Variants in IFT81 observed in about 807,000 individuals in gnomAD.
The protein encoded by IFT81 is intraflagellar transport 81.
A neutral mutation model predicts 102.6 loss-of-function variants in IFT81; 72 were observed. That is an observed-to-expected ratio of 0.70 (90% CI 0.58 to 0.85). The LOEUF (loss-of-function observed/expected upper bound fraction) is 0.85. Ranked by LOEUF, IFT81 falls within the 40% of genes least tolerant of loss-of-function variation. The probability of loss-of-function intolerance (pLI) is 0.00; values close to 1 mark genes in which losing one functional copy is unlikely to be tolerated. For missense variants in IFT81, 723 were observed against 787.3 expected, an observed-to-expected ratio of 0.92 and a Z score of 0.98; for synonymous variants, 237 against 242.7, an observed-to-expected ratio of 0.98 and a Z score of 0.22.
intron 10 of IFT81, among the ~76,000 whole-genome samples, 196 bp from the exon 11 acceptor site, chr12:110,162,723 G>A (rs1441604638): frequency 3.3e-5 from 5 of 151,978 alleles, no homozygotes; most frequent in Non-Finnish European, 7.4e-5. Flanking sequence ...TTGTAGGTTG[G>A]TATTTAATAT....
At chr12:110,169,338 G>A (rs564328435) in intron 11 of IFT81, among the ~76,000 whole-genome samples, 2 of 152,058 alleles carry the variant, frequency 1.3e-5, no homozygotes, top group East Asian at 1.9e-4. Flanking sequence ...TTCCCTCTGC[G>A]ATTTTGCTTG....
At chr12:110,154,492 A>G (rs1035096204) in intron 10 of IFT81, among the ~76,000 whole-genome samples, 9 of 151,682 alleles carry the variant, frequency 5.9e-5, no homozygotes, top group Non-Finnish European at 1.3e-4. Flanking sequence ...TTAGCCGGGC[A>G]TGATGGTGCA....
chr12:110,128,014 C>T, intron 2 of IFT81, 32 bp from the exon 3 acceptor site: 1 of 1,430,984 alleles, frequency 7.0e-7, no homozygotes, highest in Non-Finnish European at 9.9e-7. Flanking sequence ...ACATATACAA[C>T]AATAACATGT....
chr12:110,145,358 G>C (rs1895159110), intron 9 of IFT81, among the ~76,000 whole-genome samples: 1 of 150,550 alleles, frequency 6.6e-6, no homozygotes, highest in African/African-American at 2.4e-5. Flanking sequence ...GAAATGTTTT[G>C]ACTTGCTAAT....
chr12:110,181,190 G>A (rs537903612), intron 12 of IFT81, among the ~76,000 whole-genome samples: 1 of 152,118 alleles, frequency 6.6e-6, no homozygotes, highest in African/African-American at 2.4e-5. Context: ...ATTTCAACCA[G>A]TTGTGTTTCC....
intron 14 of IFT81, among the ~76,000 whole-genome samples, chr12:110,201,765 T>A (rs1898290375): frequency 6.6e-6 from 1 of 152,102 alleles, no homozygotes; most frequent in Admixed American, 6.5e-5. Context: ...CTTTTTAAAC[T>A]TTTTTGTTAA....
At chr12:110,215,447 C>CTT (rs1869969094) in intron 18 of IFT81, among the ~76,000 whole-genome samples, 1 of 111,104 alleles carries the variant, frequency 9.0e-6, no homozygotes, top group African/African-American at 4.0e-5. Context: ...TCTTCTTCTT[C>CTT]TTCTTCTTTT....
At chr12:110,155,355 G>C (rs753864569) in intron 10 of IFT81, among the ~76,000 whole-genome samples, 1 of 152,072 alleles carries the variant, frequency 6.6e-6, no homozygotes, top group African/African-American at 2.4e-5. Context: ...CTGTTGCCCA[G>C]GCTGGAGTAC....
Position 110,162,977 on chromosome 12 carries a change from A to T in IFT81, c.1100A>T (p.Glu367Val). ...GCTGAGGAACTTCAGGAGGCCAAGG[A>T]GAAGTTAGCCAGCCTAGAGAGAGAA... ...AKAEELQEAKEKLASLEREAS... is the reference protein window; with the variant it reads ...AKAEELQEAKVKLASLEREAS... The change falls in exon 11 of 19, where the codon GAG becomes GTG. Residue 367 changes from glutamate (E) to valine (V), a missense_variant. By Grantham distance (121) the Glu-to-Val change is moderately radical. Coordinates refer to ENST00000242591, the MANE Select transcript of IFT81 (RefSeq NM_014055.4). The T allele has an allele frequency of 6.2e-7, 1 of 1,613,966 alleles. No individual in the cohort carries two copies. The highest frequency in any genetic ancestry group is 8.5e-7 in the Non-Finnish European group (1 of 1,179,878).
chr12:110,196,265 T>C (rs1291601291), intron 14 of IFT81, among the ~76,000 whole-genome samples: 1 of 152,230 alleles, frequency 6.6e-6, no homozygotes, highest in African/African-American at 2.4e-5. Context: ...ATGCCTGTAA[T>C]CCTAGCACTT....
At chr12:110,150,617 G>A (rs1895473670) in intron 10 of IFT81, among the ~76,000 whole-genome samples, 1 of 151,870 alleles carries the variant, frequency 6.6e-6, no homozygotes, top group African/African-American at 2.4e-5. Flanking sequence ...TTTGTCCAGT[G>A]GAACCAACAT....
At chr12:110,185,859 C>T (rs764235613) in intron 12 of IFT81, among the ~76,000 whole-genome samples, 8 of 152,054 alleles carry the variant, frequency 5.3e-5, no homozygotes, top group Admixed American at 3.3e-4. Flanking sequence ...CTCAGCCTCC[C>T]AAAATGCTAG....
chr12:110,184,371 T>A (rs1343420635), intron 12 of IFT81, among the ~76,000 whole-genome samples: 1 of 151,842 alleles, frequency 6.6e-6, no homozygotes, highest in East Asian at 1.9e-4. Context: ...ATAAATAAAT[T>A]ACAAATTAAT....
At chr12:110,158,370 T>G (rs774116623) in intron 10 of IFT81, among the ~76,000 whole-genome samples, 2 of 152,100 alleles carry the variant, frequency 1.3e-5, no homozygotes, top group Non-Finnish European at 2.9e-5. Context: ...CATGAGCCAC[T>G]GTGCCTGGCC....
chr12:110,147,829 A>G lies in IFT81; in HGVS notation c.1041+781A>G, dbSNP rs532066551. Among the ~76,000 whole-genome samples the G allele has an allele frequency of 7.9e-5, 12 of 152,346 alleles. No homozygotes were observed. The South Asian group carries it at 2.5e-3, about 32-fold the overall frequency. ...TTTGAAGCATATCTTAGACTTCATC[A>G]TAACATTTCATCTATAAATGTTTCA... On this transcript the variant is annotated intron_variant, in intron 10 of 18. Coordinates refer to ENST00000242591, the MANE Select transcript of IFT81 (RefSeq NM_014055.4).
chr12:110,171,316 C>T (rs1163586637), intron 11 of IFT81, among the ~76,000 whole-genome samples: 2 of 151,380 alleles, frequency 1.3e-5, no homozygotes, highest in Non-Finnish European at 2.9e-5. Context: ...TGGAAGCACC[C>T]GTTAGAGATA....
chr12:110,193,168 C>T (rs373342420), intron 14 of IFT81, among the ~76,000 whole-genome samples: 4 of 151,924 alleles, frequency 2.6e-5, no homozygotes, highest in African/African-American at 7.3e-5. Flanking sequence ...GTCTCCCACC[C>T]CTCCCCCCAA....
chr12:110,181,544 G>C (rs11065340), intron 12 of IFT81, among the ~76,000 whole-genome samples: 15,752 of 152,134 alleles, frequency 0.1, 1,164 homozygotes, highest in Non-Finnish European at 0.16. Context: ...GGTCTGTTTT[G>C]GTAATTGTTT....
At chr12:110,140,147 T>C (rs1894801342) in intron 8 of IFT81, among the ~76,000 whole-genome samples, 1 of 152,194 alleles carries the variant, frequency 6.6e-6, no homozygotes, top group Non-Finnish European at 1.5e-5. Context: ...TTACATGTGC[T>C]GAATATGCAG....
Sources: allele counts gnomAD v4.1 joint callset (sites outside exome capture counted in the v4.1 genomes callset), GRCh38; gene constraint gnomAD v4.1.1; transcripts MANE v1.5; gene names NCBI Gene and HGNC (gene_info 2026-07-23, HGNC 2026-07-21).